UBXN7: variants seen among roughly 807,000 people sequenced by gnomAD.
UBXN7 encodes the protein UBX domain-containing protein 7.
UBXN7 carries 9 observed loss-of-function variants against 58.0 expected under a neutral mutation model. That is an observed-to-expected ratio of 0.16 (90% CI 0.09 to 0.27). UBXN7 has a LOEUF of 0.27. Among genes scored for constraint, UBXN7 ranks in the 10% least tolerant of loss-of-function variants. The pLI is 1.00. For synonymous variants in UBXN7, 208 were observed against 205.0 expected, an observed-to-expected ratio of 1.01 and a Z score of -0.12; for missense variants, 328 against 599.6, an observed-to-expected ratio of 0.55 and a Z score of 4.73.
intron 7 of UBXN7, 75 bp from the exon 8 acceptor site, chr3:196,368,230 A>C: frequency 2.1e-6 from 3 of 1,437,020 alleles, no homozygotes; most frequent in Non-Finnish European, 2.8e-6. Context: ...AGGATCTATA[A>C]ATATAATACC....
rs1731083885 is a variant in UBXN7 at position 196,432,115 on chromosome 3, G to C, written c.73+212C>G. On this transcript the variant is annotated intron_variant, in intron 1 of 10. Coordinates refer to ENST00000296328, the MANE Select transcript of UBXN7 (RefSeq NM_015562.2). ...GGGATCTCCCTCCACGCTACTAGGA[G>C]ACAGAGAACGAGGGTATCGGGAGCG... The C allele has an allele frequency of 4.3e-6, 3 of 696,524 alleles. No individual in the cohort carries two copies. The East Asian group carries it at 8.2e-5, about 19-fold the overall frequency. The allele number at this position is 696,524 out of a possible 1,614,324, so 43.1% of individuals were successfully genotyped here. A position where few individuals can be genotyped will look rare whatever the true frequency, so the allele number is the denominator to read the frequency against.
chr3:196,403,490 T>A (rs910848506), intron 2 of UBXN7, among the ~76,000 whole-genome samples: 3 of 152,098 alleles, frequency 2.0e-5, no homozygotes, highest in Non-Finnish European at 4.4e-5. Context: ...AGTTTCCACA[T>A]AAAGCTCAAG....
chr3:196,399,312 A>T (rs978922177), intron 3 of UBXN7, among the ~76,000 whole-genome samples: 9 of 150,836 alleles, frequency 6.0e-5, no homozygotes, highest in East Asian at 2.0e-4. Flanking sequence ...TTAATTTATT[A>T]TTTTTTTTTG....
chr3:196,428,072 C>T (rs553622774), intron 1 of UBXN7, among the ~76,000 whole-genome samples: 2 of 151,962 alleles, frequency 1.3e-5, no homozygotes, highest in Admixed American at 6.6e-5. Context: ...AGCAGTGAGC[C>T]GAAATCATGC....
intron 2 of UBXN7, among the ~76,000 whole-genome samples, chr3:196,404,988 T>C (rs1730115408): frequency 6.6e-6 from 1 of 151,918 alleles, no homozygotes; most frequent in African/African-American, 2.4e-5. Context: ...ACCCCATCTT[T>C]ACAAAAAATA....
chr3:196,398,327 A>T (rs955537012), intron 3 of UBXN7, among the ~76,000 whole-genome samples: 2 of 152,228 alleles, frequency 1.3e-5, no homozygotes, highest in Non-Finnish European at 2.9e-5. Flanking sequence ...TTTTTCAGGC[A>T]GTTTAATTTT....
At chr3:196,372,102 C>T (rs1728850238) in intron 5 of UBXN7, 60 bp from the exon 6 acceptor site, 3 of 1,519,462 alleles carry the variant, frequency 2.0e-6, no homozygotes, top group East Asian at 2.3e-5. Context: ...CAGATGTTTC[C>T]GTAGTTGTTC....
intron 1 of UBXN7, among the ~76,000 whole-genome samples, chr3:196,427,786 T>A (rs1018751487): frequency 3.2e-4 from 49 of 152,210 alleles, no homozygotes; most frequent in Non-Finnish European, 1.3e-4. Flanking sequence ...GGAATGACTA[T>A]AAAAGTAACA....
rs1010258189 is a variant in UBXN7, at chr3:196,391,795, G to A, written c.468+18C>T. 7.7e-6 allele frequency: 12 copies of A among 1,567,400 alleles called. No individual in the cohort carries two copies. The highest frequency in any genetic ancestry group is 8.7e-6 in the Non-Finnish European group (10 of 1,150,830). Reference sequence around the variant, plus strand: ...CAAAAGGATTCATAGTTAAGGCACTGACTCTCCAACAACTTACTGTTTCAA... The same window carrying A: ...CAAAAGGATTCATAGTTAAGGCACTAACTCTCCAACAACTTACTGTTTCAA... On this transcript the variant is annotated intron_variant, in intron 5 of 10. Coordinates refer to ENST00000296328, the MANE Select transcript of UBXN7 (RefSeq NM_015562.2).
chr3:196,430,089 T>C (rs906660289), intron 1 of UBXN7, among the ~76,000 whole-genome samples: 1 of 152,120 alleles, frequency 6.6e-6, no homozygotes, highest in Admixed American at 6.6e-5. Flanking sequence ...GCGCGGTGGC[T>C]CACGCCTGTA....
chr3:196,374,622 T>C (rs1426250985), intron 5 of UBXN7, among the ~76,000 whole-genome samples: 1 of 151,088 alleles, frequency 6.6e-6, no homozygotes, highest in Non-Finnish European at 1.5e-5. Flanking sequence ...GGCTCACACC[T>C]GCAATCCCAG....
At chr3:196,385,788 A>G (rs909917592) in intron 5 of UBXN7, among the ~76,000 whole-genome samples, 1 of 143,946 alleles carries the variant, frequency 6.9e-6, no homozygotes, top group Non-Finnish European at 1.5e-5. Flanking sequence ...CCCGTCTGGG[A>G]AGTGGGGGGG....
At position 196,352,855 on chromosome 3, in the gene UBXN7, G is replaced by A. The variant is rs1425903716; in HGVS notation, c.*3830C>T. 4 of 151,952 alleles carry A rather than the reference G, an allele frequency of 2.6e-5. No homozygotes were observed. Among genetic ancestry groups the A allele is most frequent in the Non-Finnish European group, 4.4e-5 (3 of 67,984 alleles). The allele number at this position is 151,952 out of a possible 1,614,324, so 9.4% of individuals were successfully genotyped here. A position where few individuals can be genotyped will look rare whatever the true frequency, so the allele number is the denominator to read the frequency against. ...AAAAATGCAAAAATTAGCCGGGCGT[G>A]GTGGCGCTCACCTATTAAAAAAGGT... On this transcript the variant is annotated 3_prime_UTR_variant, in exon 11 of 11. Transcript: ENST00000296328. This position sits in a 1 kb window ranked among gnomAD's most constrained non-coding sequence, Gnocchi z 4.1.
At chr3:196,380,673 G>A (rs918251449) in intron 5 of UBXN7, among the ~76,000 whole-genome samples, 11 of 152,236 alleles carry the variant, frequency 7.2e-5, no homozygotes, top group Non-Finnish European at 1.3e-4. Flanking sequence ...GCAGGGCAGC[G>A]TGCCGCCTCA....
chr3:196,405,684 G>A (rs1730141632), intron 2 of UBXN7, among the ~76,000 whole-genome samples: 1 of 151,994 alleles, frequency 6.6e-6, no homozygotes, highest in African/African-American at 2.4e-5. Context: ...TAGTACACTT[G>A]TCCTTACACG....
At chr3:196,388,459 A>G (rs1481452398) in intron 5 of UBXN7, among the ~76,000 whole-genome samples, 2 of 148,040 alleles carry the variant, frequency 1.4e-5, no homozygotes, top group African/African-American at 4.9e-5. Context: ...AAAGAAATAA[A>G]TAAGCTACTG....
chr3:196,410,787 A>T (rs1405878027), intron 1 of UBXN7, among the ~76,000 whole-genome samples: 7 of 151,006 alleles, frequency 4.6e-5, no homozygotes, highest in Non-Finnish European at 1.5e-5. Flanking sequence ...ACACCACTGC[A>T]CTCCAGCCTG....
In UBXN7 at chr3:196,376,872, C is replaced by G. The variant is rs552158089; in HGVS notation, c.469-4830G>C. Among the ~76,000 whole-genome samples, 3 of 151,766 alleles carry G rather than the reference C, an allele frequency of 2.0e-5. No individual in the cohort carries two copies. In the South Asian group the frequency reaches 6.3e-4, roughly 32 times the overall value. Reference sequence around the variant, plus strand: ...ACCAACCTGGGCAACGTGGCAAAACCTCATCTCTACAAAAAATACAAAATT... The same window carrying G: ...ACCAACCTGGGCAACGTGGCAAAACGTCATCTCTACAAAAAATACAAAATT... On this transcript the variant is annotated intron_variant, in intron 5 of 10. Coordinates refer to ENST00000296328, the MANE Select transcript of UBXN7 (RefSeq NM_015562.2).
chr3:196,423,133 G>A (rs914065527), intron 1 of UBXN7, among the ~76,000 whole-genome samples: 2 of 152,202 alleles, frequency 1.3e-5, no homozygotes, highest in Admixed American at 6.5e-5. Flanking sequence ...ATAACCAGAG[G>A]ACACAACAGC....
Sources: gnomAD v4.1 joint callset for allele counts (sites outside exome capture counted in the v4.1 genomes callset) on GRCh38, gnomAD v4.1.1 for gene constraint, Gnocchi (gnomAD v3.1) non-coding constraint, MANE v1.5 for transcripts, NCBI Gene and HGNC (gene_info 2026-07-23, HGNC 2026-07-21) for gene names.